The following VPS50 variants were observed in gnomAD, a reference collection of about 807,000 sequenced individuals.
VPS50 encodes VPS50 subunit of EARP/GARPII complex.
Under a neutral mutation model 139.7 loss-of-function variants are expected in VPS50, and 70 were observed. That is an observed-to-expected ratio of 0.50 (90% confidence interval 0.41 to 0.61). The LOEUF is 0.61. Ranked by LOEUF, VPS50 falls within the 20% of genes least tolerant of loss-of-function variation. The pLI, the probability that VPS50 is intolerant of heterozygous loss-of-function variation, is 0.00. For synonymous variants in VPS50, 365 were observed against 376.7 expected (o/e 0.97, Z 0.36); for missense variants, 921 against 1,133.7 (o/e 0.81, Z 2.69).
At chr7:93,344,583 A>T (rs1255372876) in intron 23 of VPS50, among the ~76,000 whole-genome samples, 1 of 152,156 alleles carries the variant, frequency 6.6e-6, no homozygotes, top group African/African-American at 2.4e-5. Context: ...ACTTGGAAGT[A>T]AAGCTCTCCT....
chr7:93,279,157 T>C (rs982428499), intron 12 of VPS50, among the ~76,000 whole-genome samples: 4 of 152,192 alleles, frequency 2.6e-5, no homozygotes, highest in African/African-American at 9.6e-5. Flanking sequence ...CCAGGCCTTC[T>C]AGAAATTACC....
chr7:93,281,179 C>T (rs1315950265), intron 12 of VPS50, among the ~76,000 whole-genome samples: 1 of 152,140 alleles, frequency 6.6e-6, no homozygotes, highest in Admixed American at 6.6e-5. Context: ...ATTAGTACAT[C>T]ATAGACAAAC....
chr7:93,348,249 C>T (rs1376653293), intron 23 of VPS50, among the ~76,000 whole-genome samples: 1 of 152,216 alleles, frequency 6.6e-6, no homozygotes, highest in Non-Finnish European at 1.5e-5. Flanking sequence ...CTGTGATACT[C>T]AGCCAAGTTA....
intron 26 of VPS50, among the ~76,000 whole-genome samples, chr7:93,354,530 G>A (rs1253935893): frequency 6.6e-6 from 1 of 152,058 alleles, no homozygotes; most frequent in African/African-American, 2.4e-5. Context: ...CTGGCCTCAA[G>A]TTGATCCGCC....
chr7:93,282,603 A>G (rs1008876441), intron 12 of VPS50, among the ~76,000 whole-genome samples: 4 of 152,198 alleles, frequency 2.6e-5, no homozygotes, highest in Non-Finnish European at 2.9e-5. Context: ...TTTATTTAAT[A>G]CCATAATTAT....
rs144489911 is a variant in VPS50 at position 93,313,126 on chromosome 7, G to A, written c.1855+1854G>A. Among the ~76,000 whole-genome samples the A allele has an allele frequency of 2.8e-3, 422 of 152,278 alleles. 1 individual carries two copies. The highest frequency in any genetic ancestry group is 4.9e-3 in the Non-Finnish European group (333 of 68,012). ...CAACCAATCTGGAACATGGGGAGAAGAGCAAAAGCAAACTATGTTATGACT... is the reference window on the plus strand; with the variant it reads ...CAACCAATCTGGAACATGGGGAGAAAAGCAAAAGCAAACTATGTTATGACT... On this transcript the variant is annotated intron_variant, in intron 20 of 27. Transcript: ENST00000305866.
rs377215860 is a variant in VPS50, at chr7:93,239,867, G to A, written c.35G>A (p.Gly12Asp). The change falls in exon 2 of 28, where the codon GGT becomes GAT. Residue 12 changes from glycine to aspartate, a missense_variant and splice_region_variant. By Grantham distance (94) the Gly-to-Asp change is moderately conservative. This residue lies in a region of VPS50 where 744 missense variants were observed against 930.6 expected (regional missense o/e 0.80). Coordinates refer to ENST00000305866, the MANE Select transcript of VPS50 (RefSeq NM_017667.4). Reference protein sequence around the residue: ...QKIKSLMTRQGLKSPQESLSD... With the variant: ...QKIKSLMTRQDLKSPQESLSD... ...TCCTCATCTTATTATTTTTTTAAGG[G>A]TCTGAAAAGCCCTCAAGAAAGCCTC... 24 of 1,584,160 alleles carry A rather than the reference G, an allele frequency of 1.5e-5. No homozygotes were observed. The highest frequency in any genetic ancestry group is 2.1e-5 in the Non-Finnish European group (24 of 1,154,074).
chr7:93,244,517 A>G (rs1795093112), intron 2 of VPS50, among the ~76,000 whole-genome samples: 1 of 151,938 alleles, frequency 6.6e-6, no homozygotes, highest in Non-Finnish European at 1.5e-5. Context: ...TTGTGAAAAG[A>G]TGCTATTGAA....
At chr7:93,344,349 C>T (rs1367928403) in intron 23 of VPS50, among the ~76,000 whole-genome samples, 1 of 152,162 alleles carries the variant, frequency 6.6e-6, no homozygotes, top group African/African-American at 2.4e-5. Flanking sequence ...GAGTGACCTA[C>T]AAAGAGACTT....
At chr7:93,248,579 A>G (rs1247990598) in intron 2 of VPS50, among the ~76,000 whole-genome samples, 1 of 152,068 alleles carries the variant, frequency 6.6e-6, no homozygotes. Flanking sequence ...AAACAAGAGC[A>G]TATTGTCTTT....
intron 17 of VPS50, among the ~76,000 whole-genome samples, chr7:93,304,122 G>C (rs1797053264): frequency 6.6e-6 from 1 of 151,684 alleles, no homozygotes; most frequent in Admixed American, 6.6e-5. Context: ...GTCTTTAATT[G>C]GTTTGATTTT....
At position 93,342,390 on chromosome 7, in the gene VPS50, G is replaced by C. The variant is rs897012701; in HGVS notation, c.2207+815G>C. Among the ~76,000 whole-genome samples the C allele has an allele frequency of 2.0e-5, 3 of 152,342 alleles. No homozygotes were observed. In the South Asian group the frequency reaches 6.2e-4, roughly 32 times the overall value. On this transcript the variant is annotated intron_variant, in intron 23 of 27. Transcript: ENST00000305866. ...TGAGATCAAACTGCAAGGCGGCAGT[G>C]ACGCTGGGGGAGGGGCACCCGCCAT...
At chr7:93,261,045 G>A (rs1584399566) in intron 9 of VPS50, among the ~76,000 whole-genome samples, 1 of 152,140 alleles carries the variant, frequency 6.6e-6, no homozygotes, top group Admixed American at 6.5e-5. Flanking sequence ...GAAACTTGAC[G>A]ATGTCATTTA....
At chr7:93,261,834 T>C (rs893820520) in intron 9 of VPS50, among the ~76,000 whole-genome samples, 1 of 152,046 alleles carries the variant, frequency 6.6e-6, no homozygotes, top group Non-Finnish European at 1.5e-5. Flanking sequence ...ATATGAGAGT[T>C]GTGAATAGGA....
In VPS50 at chr7:93,324,756, AAGG is replaced by A. The variant is rs1156420866; in HGVS notation, c.1977+1027_1977+1029del. ...TACAAGGGATGTGAAGGACCTCTTC[AAGG>A]AGAACTACAAACCACTGCTCAATGA... is the stretch of plus-strand genomic sequence containing the variant. On this transcript the variant is annotated intron_variant, in intron 21 of 27. Coordinates refer to ENST00000305866, the MANE Select transcript of VPS50 (RefSeq NM_017667.4). 4.6e-5 allele frequency among the ~76,000 whole-genome samples: 7 copies of A among 152,304 alleles called. No individual in the cohort carries two copies. The East Asian group carries it at 1.2e-3, about 25-fold the overall frequency.
intron 3 of VPS50, among the ~76,000 whole-genome samples, chr7:93,253,474 T>C (rs531649675): frequency 6.6e-6 from 1 of 152,316 alleles, no homozygotes; most frequent in East Asian, 1.9e-4. Context: ...CATAAACAAA[T>C]AGAGATATAT....
chr7:93,298,062 T>C (rs1340871183), intron 16 of VPS50, among the ~76,000 whole-genome samples: 1 of 152,198 alleles, frequency 6.6e-6, no homozygotes, highest in Non-Finnish European at 1.5e-5. Context: ...CACAGTGATA[T>C]ATGCCATGTC....
chr7:93,324,029 G>A (rs74921799), intron 21 of VPS50, among the ~76,000 whole-genome samples: 2,542 of 151,956 alleles, frequency 0.017, 88 homozygotes, highest in African/African-American at 0.058. Context: ...TTTAAATCTG[G>A]CTCCATCTAA....
At chr7:93,321,004 G>A (rs1049356803) in intron 20 of VPS50, 4 of 152,196 alleles carry the variant, frequency 2.6e-5, no homozygotes, top group African/African-American at 9.6e-5. Flanking sequence ...GATGTCAAAT[G>A]TTTTGAGCTG....
Sources: allele counts gnomAD v4.1 joint callset (sites outside exome capture counted in the v4.1 genomes callset), GRCh38; gene constraint gnomAD v4.1.1; regional missense constraint gnomAD v4.1.1; transcripts MANE v1.5; gene names NCBI Gene and HGNC (gene_info 2026-07-23, HGNC 2026-07-21).